The following FHIT variants were observed in gnomAD, a reference collection of about 807,000 sequenced individuals.
FHIT encodes fragile histidine triad diadenosine triphosphatase.
In FHIT, 19 loss-of-function variants were observed where a neutral mutation model predicts 17.9. That is an observed-to-expected ratio of 1.06 (90% CI 0.74 to 1.56). The LOEUF (loss-of-function observed/expected upper bound fraction) is 1.56. FHIT is among the 40% of genes most tolerant of loss of function. The pLI, the probability that FHIT is intolerant of heterozygous loss-of-function variation, is 0.00. For synonymous variants in FHIT, 81 were observed against 69.7 expected, an observed-to-expected ratio of 1.16 and a Z score of -0.81; for missense variants, 248 against 189.2, an observed-to-expected ratio of 1.31 and a Z score of -1.82.
Position 59,868,392 on chromosome 3 carries a change from G to C in FHIT, c.348+53954C>G, listed in dbSNP as rs192288582. Among the ~76,000 whole-genome samples, 54 of 152,234 alleles carry C rather than the reference G, an allele frequency of 3.5e-4. No homozygotes were observed. The East Asian group carries it at 9.6e-3, about 27-fold the overall frequency. On this transcript the variant is annotated intron_variant, in intron 8 of 9. Transcript: ENST00000492590. ...GTCAGTGTATGTCAAAATGATAATGGGGAATGTGTAATACAAGATATTGCT... is the reference window on the plus strand; with the variant it reads ...GTCAGTGTATGTCAAAATGATAATGCGGAATGTGTAATACAAGATATTGCT...
At chr3:60,333,285 G>A (rs749678212) in intron 5 of FHIT, among the ~76,000 whole-genome samples, 35 of 152,196 alleles carry the variant, frequency 2.3e-4, no homozygotes, top group Non-Finnish European at 4.9e-4. Context: ...TCTCCCATGA[G>A]TCAAGGGGGA....
At chr3:60,758,955 T>C (rs1699542373) in intron 4 of FHIT, among the ~76,000 whole-genome samples, 2 of 152,034 alleles carry the variant, frequency 1.3e-5, no homozygotes, top group South Asian at 4.2e-4. Context: ...AGCAGAGATC[T>C]AAAGGAAAAG....
chr3:60,070,955 C>G (rs1297530117), intron 5 of FHIT, among the ~76,000 whole-genome samples: 3 of 152,234 alleles, frequency 2.0e-5, no homozygotes, highest in African/African-American at 7.2e-5. Context: ...GACATGAAGA[C>G]TAGTTTATGG....
intron 4 of FHIT, 54 bp downstream of exon 4, chr3:60,821,865 C>A (rs184721532): frequency 3.3e-5 from 5 of 152,040 alleles, no homozygotes; most frequent in Admixed American, 3.3e-4. Context: ...ATACTCACAG[C>A]AGGTCAATTA....
At chr3:61,029,452 C>A (rs1382163913) in intron 3 of FHIT, among the ~76,000 whole-genome samples, 2 of 152,142 alleles carry the variant, frequency 1.3e-5, no homozygotes, top group African/African-American at 4.8e-5. Flanking sequence ...CTGTGGGAAT[C>A]TGATTTAGCC....
In FHIT at chr3:60,867,700, C is replaced by T. The variant is rs186382770; in HGVS notation, c.-110-45689G>A. Among the ~76,000 whole-genome samples, 4 of 152,250 alleles carry T rather than the reference C, an allele frequency of 2.6e-5. No homozygotes were observed. In the East Asian group the frequency reaches 7.7e-4, roughly 29 times the overall value. On this transcript the variant is annotated intron_variant, in intron 3 of 9. Transcript: ENST00000492590. ...TTCATTTCTTAAGTCAAAGAAAAAA[C>T]TATGTTTAATTCTCCAATCTTTCTC... is the stretch of plus-strand genomic sequence containing the variant.
intron 4 of FHIT, among the ~76,000 whole-genome samples, chr3:60,623,986 C>T (rs1681674258): frequency 2.0e-5 from 3 of 152,128 alleles, no homozygotes. Flanking sequence ...AATACATGAA[C>T]AGATAATTAT....
chr3:60,720,656 G>C (rs1163226345), intron 4 of FHIT, among the ~76,000 whole-genome samples: 1 of 152,090 alleles, frequency 6.6e-6, no homozygotes, highest in Non-Finnish European at 1.5e-5. Context: ...TAGGTGGTGG[G>C]ACCCATGCAC....
At chr3:59,940,981 T>C (rs988323874) in intron 7 of FHIT, among the ~76,000 whole-genome samples, 5 of 152,148 alleles carry the variant, frequency 3.3e-5, no homozygotes, top group South Asian at 2.1e-4. Context: ...ACTTTTTCAT[T>C]TTTTGTTCCC....
intron 3 of FHIT, among the ~76,000 whole-genome samples, chr3:60,901,625 T>C (rs9819641): frequency 0.27 from 40,715 of 152,146 alleles, 5,566 homozygotes; most frequent in Middle Eastern, 0.35. Context: ...GGTGTCCAAG[T>C]AGCAGTAACA....
At chr3:60,909,509 C>T (rs1189613475) in intron 3 of FHIT, among the ~76,000 whole-genome samples, 2 of 152,084 alleles carry the variant, frequency 1.3e-5, no homozygotes, top group African/African-American at 4.8e-5. Flanking sequence ...ATGTGGTTCT[C>T]TGTATATATA....
intron 8 of FHIT, among the ~76,000 whole-genome samples, chr3:59,772,766 C>T (rs1575469808): frequency 6.6e-6 from 1 of 152,086 alleles, no homozygotes; most frequent in African/African-American, 2.4e-5. Context: ...TTTAGACCAC[C>T]CAGAAGAGCT....
intron 4 of FHIT, among the ~76,000 whole-genome samples, chr3:60,725,766 G>T (rs1467120755): frequency 1.3e-5 from 2 of 152,128 alleles, no homozygotes; most frequent in African/African-American, 2.4e-5. Context: ...ATAGTAACTA[G>T]CAGATATTTT....
intron 5 of FHIT, among the ~76,000 whole-genome samples, chr3:60,243,780 A>AG (rs1443191709): frequency 6.6e-6 from 1 of 152,114 alleles, no homozygotes; most frequent in Non-Finnish European, 1.5e-5. Flanking sequence ...CCCACCACCC[A>AG]GTTCTAAAAT....
At chr3:60,659,807 T>G (rs28867979) in intron 4 of FHIT, among the ~76,000 whole-genome samples, 8,891 of 152,222 alleles carry the variant, frequency 0.058, 868 homozygotes, top group African/African-American at 0.2. Flanking sequence ...TTCCTTTGAA[T>G]GTGCCATACT....
intron 7 of FHIT, among the ~76,000 whole-genome samples, chr3:59,945,612 T>C (rs576750711): frequency 6.6e-6 from 1 of 152,102 alleles, no homozygotes; most frequent in South Asian, 2.1e-4. Context: ...GTGTACAGAA[T>C]GGTATTTCCT....
At chr3:60,204,566 C>T (rs1380585013) in intron 5 of FHIT, among the ~76,000 whole-genome samples, 2 of 151,664 alleles carry the variant, frequency 1.3e-5, no homozygotes, top group African/African-American at 4.9e-5. Flanking sequence ...GCTGGGATTA[C>T]AGGGGTGAGC....
At chr3:60,524,902 T>G (rs1371575576) in intron 5 of FHIT, among the ~76,000 whole-genome samples, 1 of 152,174 alleles carries the variant, frequency 6.6e-6, no homozygotes, top group Non-Finnish European at 1.5e-5. Flanking sequence ...AAGGTACCAT[T>G]CACAGGTTTC....
intron 3 of FHIT, among the ~76,000 whole-genome samples, chr3:60,857,340 T>C (rs1703431470): frequency 6.6e-6 from 1 of 152,196 alleles, no homozygotes; most frequent in African/African-American, 2.4e-5. Context: ...TCATGTTCCA[T>C]GATTTTGTAC....
Sources: allele counts gnomAD v4.1 joint callset (sites outside exome capture counted in the v4.1 genomes callset), GRCh38; gene constraint gnomAD v4.1.1; transcripts MANE v1.5; gene names NCBI Gene and HGNC (gene_info 2026-07-23, HGNC 2026-07-21).